The following ATP9B variants were observed in gnomAD, a reference collection of about 807,000 sequenced individuals.
ATP9B encodes ATPase phospholipid transporting 9B, also known as probable phospholipid-transporting ATPase IIB.
ATP9B carries 110 observed loss-of-function variants against 146.1 expected under a neutral mutation model. The observed-to-expected ratio is 0.75, with a 90% CI of 0.65 to 0.88. The LOEUF (loss-of-function observed/expected upper bound fraction) is 0.88. Ranked by LOEUF, ATP9B falls within the 40% of genes least tolerant of loss-of-function variation. ATP9B has a pLI of 0.00. For synonymous variants in ATP9B, 604 were observed against 569.7 expected, an observed-to-expected ratio of 1.06 and a Z score of -0.86; for missense variants, 1,499 against 1,496.4, an observed-to-expected ratio of 1.00 and a Z score of -0.03.
At chr18:79,076,675 A>G (rs959895769) in intron 1 of ATP9B, among the ~76,000 whole-genome samples, 1 of 152,134 alleles carries the variant, frequency 6.6e-6, no homozygotes, top group Admixed American at 6.5e-5. Flanking sequence ...TTAGTATCCT[A>G]ATTCTATAAG....
At chr18:79,281,979 G>C (rs1201164427) in intron 13 of ATP9B, among the ~76,000 whole-genome samples, 1 of 152,202 alleles carries the variant, frequency 6.6e-6, no homozygotes, top group African/African-American at 2.4e-5. Flanking sequence ...CATTCATACA[G>C]GTTTGGAAGA....
At chr18:79,098,104 T>C (rs2074957313) in intron 2 of ATP9B, among the ~76,000 whole-genome samples, 1 of 151,508 alleles carries the variant, frequency 6.6e-6, no homozygotes, top group Admixed American at 6.6e-5. Flanking sequence ...AACTATCTGA[T>C]CTTTGACAAA....
intron 25 of ATP9B, 127 bp from the exon 26 acceptor site, chr18:79,359,227 T>A (rs2096972427): frequency 9.2e-6 from 6 of 655,024 alleles, no homozygotes; most frequent in South Asian, 8.0e-5. Flanking sequence ...GTTGCCAACT[T>A]ACTTTGTTGG....
chr18:79,135,490 A>G (rs372745931), intron 5 of ATP9B, among the ~76,000 whole-genome samples: 2 of 152,098 alleles, frequency 1.3e-5, no homozygotes, highest in East Asian at 1.9e-4. Flanking sequence ...TGGTAGCTCT[A>G]GTTTTGGCTC....
chr18:79,300,088 A>G (rs1439176583), intron 13 of ATP9B: 2 of 152,420 alleles, frequency 1.3e-5, no homozygotes, highest in Non-Finnish European at 2.9e-5. Context: ...AAGGTAGGTT[A>G]AAGAATGTTG....
intron 4 of ATP9B, among the ~76,000 whole-genome samples, chr18:79,119,976 A>G (rs1242380644): frequency 6.6e-6 from 1 of 152,240 alleles, no homozygotes; most frequent in Non-Finnish European, 1.5e-5. Context: ...AGGAATAATT[A>G]AACATACACT....
chr18:79,175,649 A>G (rs998931116), intron 7 of ATP9B, among the ~76,000 whole-genome samples: 1 of 152,266 alleles, frequency 6.6e-6, no homozygotes, highest in African/African-American at 2.4e-5. Flanking sequence ...CAATATGCAC[A>G]CACACAGAAA....
chr18:79,191,227 A>G (rs1429992772), intron 8 of ATP9B, among the ~76,000 whole-genome samples: 1 of 151,920 alleles, frequency 6.6e-6, no homozygotes, highest in Non-Finnish European at 1.5e-5. Context: ...TCTTGTGTAT[A>G]ATGTGTTATT....
At chr18:79,336,388 CTT>C (rs535646081) in intron 17 of ATP9B, among the ~76,000 whole-genome samples, 87 of 152,364 alleles carry the variant, frequency 5.7e-4, no homozygotes, top group African/African-American at 1.9e-3. Context: ...CATCCAGTGT[CTT>C]TGCCTCTCGA....
intron 21 of ATP9B, among the ~76,000 whole-genome samples, chr18:79,345,085 G>A (rs769425070): frequency 2.6e-5 from 4 of 152,192 alleles, no homozygotes; most frequent in Non-Finnish European, 4.4e-5. Flanking sequence ...GTCACATGAT[G>A]TTTTTCAAGA....
intron 7 of ATP9B, among the ~76,000 whole-genome samples, chr18:79,161,653 C>A (rs555991842): frequency 6.6e-6 from 1 of 152,244 alleles, no homozygotes; most frequent in Non-Finnish European, 1.5e-5. Flanking sequence ...TCGAGACCAT[C>A]CTGGCTAACA....
chr18:79,083,557 T>C (rs923936413), intron 1 of ATP9B, among the ~76,000 whole-genome samples: 7 of 152,194 alleles, frequency 4.6e-5, no homozygotes, highest in African/African-American at 1.7e-4. Flanking sequence ...AGGAATCTCC[T>C]GGTCTGCGGA....
At chr18:79,258,517 A>G (rs1488499305) in intron 12 of ATP9B, among the ~76,000 whole-genome samples, 3 of 152,214 alleles carry the variant, frequency 2.0e-5, no homozygotes, top group Non-Finnish European at 4.4e-5. Context: ...AACCTTTCCA[A>G]TGTGTTTATA....
At position 79,377,458 on chromosome 18, in the gene ATP9B, C is replaced by T. The variant is rs746487781; in HGVS notation, c.*75C>T. The T allele has an allele frequency of 4.7e-5, 72 of 1,545,650 alleles. No individual in the cohort carries two copies. The South Asian group carries it at 4.7e-4, about 10-fold the overall frequency. On this transcript the variant is annotated 3_prime_UTR_variant, in exon 30 of 30. Coordinates refer to ENST00000426216, the MANE Select transcript of ATP9B (RefSeq NM_198531.5). Reference sequence around the variant, plus strand: ...AGCACCTTGTGCCCTTGCCAGTGAACGCAGGGTTTGCCATTGCTACCAAGC... The same window carrying T: ...AGCACCTTGTGCCCTTGCCAGTGAATGCAGGGTTTGCCATTGCTACCAAGC...
Position 79,372,818 on chromosome 18 carries a change from T to G in ATP9B, c.3013-7T>G. 6.2e-7 allele frequency: 1 copy of G among 1,602,738 alleles called. No individual in the cohort carries two copies. Among genetic ancestry groups the G allele is most frequent in the Non-Finnish European group, 8.5e-7 (1 of 1,169,708 alleles). On this transcript the variant is annotated splice_polypyrimidine_tract_variant and splice_region_variant and intron_variant, in intron 26 of 29. Transcript: ENST00000426216. ...GCACTAACGACGCTCTTCCACTGTT[T>G]CCCTAGGGAAGATCCTTGTCCTTCA... is the stretch of plus-strand genomic sequence containing the variant.
At chr18:79,344,077 T>C (rs187126456) in intron 20 of ATP9B, 188 bp from the exon 21 acceptor site, 6 of 615,332 alleles carry the variant, frequency 9.8e-6, no homozygotes, top group African/African-American at 3.7e-5. Flanking sequence ...ACTGAGTGGA[T>C]AGACACACCC....
At chr18:79,231,782 A>G (rs995825345) in intron 11 of ATP9B, among the ~76,000 whole-genome samples, 5 of 83,404 alleles carry the variant, frequency 6.0e-5, no homozygotes, top group African/African-American at 2.1e-4. Context: ...GTGTGTGTAT[A>G]TATATATATA....
chr18:79,352,626 G>A (rs116196228), intron 25 of ATP9B: 82 of 150,756 alleles, frequency 5.4e-4, no homozygotes, highest in African/African-American at 2.0e-3. Context: ...CGAAACCTCT[G>A]TGTTTCAACA....
chr18:79,239,184 C>T lies in ATP9B; in HGVS notation c.1108-14197C>T, dbSNP rs1469702097. On this transcript the variant is annotated intron_variant, in intron 11 of 29. Coordinates refer to ENST00000426216, the MANE Select transcript of ATP9B (RefSeq NM_198531.5). The surrounding 1 kb of genome is among the most constrained non-coding windows in gnomAD (Gnocchi z 5.1). ...AAGGTGGGATGGTGTGAAAGAGCTG[C>T]AGAAAGCATGCAGGGAGGTGTCTGG... Among the ~76,000 whole-genome samples, 2 of 152,136 alleles carry T rather than the reference C, an allele frequency of 1.3e-5. No individual in the cohort carries two copies. Among genetic ancestry groups the T allele is most frequent in the African/African-American group, 4.8e-5 (2 of 41,436 alleles).
Sources: allele counts gnomAD v4.1 joint callset (sites outside exome capture counted in the v4.1 genomes callset), GRCh38; gene constraint gnomAD v4.1.1; non-coding constraint Gnocchi (gnomAD v3.1); transcripts MANE v1.5; gene names NCBI Gene and HGNC (gene_info 2026-07-23, HGNC 2026-07-21).